PRMT7: variants seen among roughly 807,000 people sequenced by gnomAD.
PRMT7 encodes protein arginine methyltransferase 7, also known as protein arginine N-methyltransferase 7.
A neutral mutation model predicts 85.4 loss-of-function variants in PRMT7; 75 were observed. The observed-to-expected ratio is 0.88, with a 90% CI of 0.73 to 1.06. The LOEUF (loss-of-function observed/expected upper bound fraction) is 1.06, where lower values mean the gene tolerates loss of function less well. Among genes scored for constraint, PRMT7 ranks in the 50% least tolerant of loss-of-function variants. The pLI, the probability that PRMT7 is intolerant of heterozygous loss-of-function variation, is 0.00. For missense variants in PRMT7, 868 were observed against 915.2 expected (o/e 0.95, Z 0.67); for synonymous variants, 397 against 359.5 (o/e 1.10, Z -1.18).
chr16:68,315,259 A>G (rs1209451483), intron 2 of PRMT7: 2 of 152,278 alleles, frequency 1.3e-5, no homozygotes, highest in African/African-American at 2.4e-5. Flanking sequence ...GGAGTTAACT[A>G]TCCTGATTCC....
At position 68,312,394 on chromosome 16, in the gene PRMT7, G is replaced by A. The variant is rs533757604; in HGVS notation, c.-84+218G>A. On this transcript the variant is annotated intron_variant, in intron 2 of 18. Coordinates refer to ENST00000441236, the MANE Select transcript of PRMT7 (RefSeq NM_019023.5). Reference sequence around the variant, plus strand: ...ACTACAGGCACAGGCCACCGCGCCCGGCTAATTTTTTTAAAAATTTTTTGT... The same window carrying A: ...ACTACAGGCACAGGCCACCGCGCCCAGCTAATTTTTTTAAAAATTTTTTGT... Among the ~76,000 whole-genome samples, 249 of 151,806 alleles carry A rather than the reference G, an allele frequency of 1.6e-3. 3 individuals are homozygous for A. Among genetic ancestry groups the A allele is most frequent in the African/African-American group, 5.7e-3 (236 of 41,422 alleles).
At chr16:68,355,620 A>G in intron 16 of PRMT7, 103 bp from the exon 17 acceptor site, 2 of 1,231,996 alleles carry the variant, frequency 1.6e-6, no homozygotes, top group Non-Finnish European at 2.1e-6. Context: ...GGGAGAACGC[A>G]CACCCCTTGT....
At chr16:68,324,585 T>G in intron 4 of PRMT7, 98 bp from the exon 5 acceptor site, 2 of 1,461,760 alleles carry the variant, frequency 1.4e-6, no homozygotes, top group South Asian at 1.2e-5. Flanking sequence ...GGGCCCTGAC[T>G]TGCACTGCCA....
chr16:68,354,237 A>G (rs2151920327), intron 16 of PRMT7: 1 of 152,376 alleles, frequency 6.6e-6, no homozygotes, highest in East Asian at 1.9e-4. Flanking sequence ...AAAATTAGCC[A>G]GGCATGGTAG....
chr16:68,337,181 G>A (rs12934542), intron 6 of PRMT7, among the ~76,000 whole-genome samples: 7,832 of 152,080 alleles, frequency 0.051, 238 homozygotes, highest in Middle Eastern at 0.15. Flanking sequence ...CCAATATTAA[G>A]CATACAGAAT....
At chr16:68,341,381 G>A (rs1465390333) in intron 9 of PRMT7, among the ~76,000 whole-genome samples, 2 of 152,190 alleles carry the variant, frequency 1.3e-5, no homozygotes, top group African/African-American at 4.8e-5. Flanking sequence ...ACTCAAATCA[G>A]TCTCCCTGAA....
Position 68,357,341 on chromosome 16 carries a change from G to A in PRMT7, c.*117G>A. The A allele has an allele frequency of 8.9e-7, 1 of 1,119,112 alleles. No individual in the cohort carries two copies. Among genetic ancestry groups the A allele is most frequent in the East Asian group, 2.5e-5 (1 of 39,870 alleles). The allele number at this position is 1,119,112 out of a possible 1,614,324, so 69.3% of individuals were successfully genotyped here. On this transcript the variant is annotated 3_prime_UTR_variant, in exon 19 of 19. Transcript: ENST00000441236. ...CTGGGAGCTGCTCGGCCTCAGGGATGGGAAAGACTGCGCCGTGTTGCATCT... is the reference window on the plus strand; with the variant it reads ...CTGGGAGCTGCTCGGCCTCAGGGATAGGAAAGACTGCGCCGTGTTGCATCT...
intron 10 of PRMT7, 122 bp downstream of exon 10, chr16:68,345,924 C>A: frequency 2.1e-6 from 3 of 1,454,806 alleles, no homozygotes; most frequent in Non-Finnish European, 1.9e-6. Flanking sequence ...AACATAAGAA[C>A]AAAGATTTGT....
chr16:68,353,138 C>T (rs2151909080), intron 15 of PRMT7, among the ~76,000 whole-genome samples: 1 of 152,246 alleles, frequency 6.6e-6, no homozygotes, highest in South Asian at 2.1e-4. Context: ...TTTCTCTCCC[C>T]AGCATCCTCA....
rs143728184 is a variant in PRMT7, at chr16:68,345,967, C to T, written c.1055+165C>T. Among the ~76,000 whole-genome samples the T allele has an allele frequency of 6.6e-5, 10 of 152,252 alleles. No homozygotes were observed. In the East Asian group the frequency reaches 1.9e-3, roughly 29 times the overall value. ...GTGTCAGTGCCCATTCGTGTGTACC[C>T]AGGAGAGGCTGTCATGGGTTGCTGG... On this transcript the variant is annotated intron_variant, in intron 10 of 18. Coordinates refer to ENST00000441236, the MANE Select transcript of PRMT7 (RefSeq NM_019023.5).
chr16:68,320,800 C>T (rs1364714714), intron 3 of PRMT7, among the ~76,000 whole-genome samples: 1 of 152,140 alleles, frequency 6.6e-6, no homozygotes, highest in Non-Finnish European at 1.5e-5. Flanking sequence ...CAGCTTGAAA[C>T]TCTATTAAAA....
At chr16:68,360,835 A>G (rs560810393), downstream of PRMT7, 1 of 215,606 alleles carries the variant, frequency 4.6e-6, no homozygotes, top group African/African-American at 2.3e-5. Flanking sequence ...GCGAGACGAC[A>G]TTGGCAGCAG....
At chr16:68,336,084 G>A (rs1386639946) in intron 6 of PRMT7, among the ~76,000 whole-genome samples, 1 of 152,170 alleles carries the variant, frequency 6.6e-6, no homozygotes, top group Admixed American at 6.5e-5. Context: ...GCCCCTGTCA[G>A]CTGCTTTCAT....
intron 17 of PRMT7, 64 bp downstream of exon 17, chr16:68,355,947 C>T (rs1413358080): frequency 2.3e-5 from 33 of 1,435,680 alleles, no homozygotes; most frequent in East Asian, 1.3e-4. Context: ...TTCTCACCCC[C>T]GTGGTGAGCA....
chr16:68,329,026 T>G (rs954996835), intron 5 of PRMT7, 40 bp from the exon 6 acceptor site: 6 of 1,420,118 alleles, frequency 4.2e-6, no homozygotes, highest in Non-Finnish European at 3.0e-6. Flanking sequence ...CTGTTTAATT[T>G]ATTGCTCATT....
At chr16:68,333,297 A>G (rs2084175437) in intron 6 of PRMT7, among the ~76,000 whole-genome samples, 3 of 152,148 alleles carry the variant, frequency 2.0e-5, no homozygotes, top group Non-Finnish European at 4.4e-5. Flanking sequence ...AGCCTGACCA[A>G]CTTGGAGAAA....
At chr16:68,336,715 T>G (rs1488415060) in intron 6 of PRMT7, among the ~76,000 whole-genome samples, 1 of 152,136 alleles carries the variant, frequency 6.6e-6, no homozygotes, top group African/African-American at 2.4e-5. Flanking sequence ...TTTTACCTGG[T>G]TTCTTTTTGG....
chr16:68,312,229 A>ATATTTTTTT (rs1419393129), intron 2 of PRMT7, 53 bp downstream of exon 2: 6 of 112,694 alleles, frequency 5.3e-5, no homozygotes, highest in African/African-American at 1.9e-4. Flanking sequence ...ATATATATAT[A>ATATTTTTTT]TTTTTTTTTT....
intron 9 of PRMT7, among the ~76,000 whole-genome samples, chr16:68,344,238 G>A (rs1010714762): frequency 3.3e-5 from 5 of 152,146 alleles, no homozygotes; most frequent in African/African-American, 1.2e-4. Context: ...CAAATTGTTG[G>A]GATTACAGGC....
Sources: gnomAD v4.1 joint callset for allele counts (sites outside exome capture counted in the v4.1 genomes callset) on GRCh38, gnomAD v4.1.1 for gene constraint, MANE v1.5 for transcripts, NCBI Gene and HGNC (gene_info 2026-07-23, HGNC 2026-07-21) for gene names.